Variants in ERG observed in about 807,000 individuals in gnomAD.
ERG encodes ETS transcription factor ERG, also known as transcriptional regulator ERG.
In ERG, 9 loss-of-function variants were observed where a neutral mutation model predicts 55.3. The ratio of observed to expected loss-of-function variants is 0.16; its 90% CI spans 0.10 to 0.28. ERG has a LOEUF of 0.28. Among genes scored for constraint, ERG ranks in the 10% least tolerant of loss-of-function variants. ERG has a pLI of 1.00. For missense variants in ERG, 434 were observed against 631.6 expected (o/e 0.69, Z 3.35); for synonymous variants, 223 against 237.3 (o/e 0.94, Z 0.55).
At chr21:38,452,250 G>T (rs1008927) in intron 1 of ERG, among the ~76,000 whole-genome samples, 138,343 of 152,268 alleles carry the variant, frequency 0.91, 62,934 homozygotes, top group South Asian at 0.98. Context: ...TGCACATACA[G>T]ATATACAAAC....
At chr21:38,498,940 G>A (rs1460927080), upstream of ERG, among the ~76,000 whole-genome samples, 1 of 152,168 alleles carries the variant, frequency 6.6e-6, no homozygotes, top group Non-Finnish European at 1.5e-5. This position sits in a 1 kb window ranked among gnomAD's most constrained non-coding sequence, Gnocchi z 4.6. Context: ...CATGTTAATA[G>A]ATGGCCATGT....
chr21:38,391,450 A>G (rs969261694), intron 8 of ERG, among the ~76,000 whole-genome samples: 1 of 152,126 alleles, frequency 6.6e-6, no homozygotes, highest in African/African-American at 2.4e-5. Context: ...TTTTTTCCCT[A>G]TTTATTGCAT....
chr21:38,654,381 A>G (rs1390742925), intron 1 of ERG, among the ~76,000 whole-genome samples: 1 of 152,238 alleles, frequency 6.6e-6, no homozygotes, highest in Non-Finnish European at 1.5e-5. Flanking sequence ...CTGAGGCAGG[A>G]GAATCATTTG....
At chr21:38,482,295 C>T (rs151039391) in intron 1 of ERG, among the ~76,000 whole-genome samples, 15 of 152,278 alleles carry the variant, frequency 9.9e-5, no homozygotes, top group African/African-American at 3.6e-4. Context: ...CAGGAAAATG[C>T]AAATCAAAGA....
intron 2 of ERG, among the ~76,000 whole-genome samples, chr21:38,504,714 A>G (rs1476518654): frequency 1.3e-5 from 2 of 152,164 alleles, no homozygotes; most frequent in African/African-American, 4.8e-5. Flanking sequence ...TCTACCCCCG[A>G]CTCAGATCCA....
At chr21:38,376,520 G>C (rs1272799482), downstream of ERG, among the ~76,000 whole-genome samples, 1 of 152,198 alleles carries the variant, frequency 6.6e-6, no homozygotes, top group Non-Finnish European at 1.5e-5. Flanking sequence ...TCTGCCCACT[G>C]CAGGCTTAAC....
chr21:38,439,255 G>C (rs911671490), intron 2 of ERG, among the ~76,000 whole-genome samples: 2 of 152,352 alleles, frequency 1.3e-5, no homozygotes, highest in East Asian at 3.9e-4. Context: ...AAAGCAGCCT[G>C]CTCTGCACAG....
intron 1 of ERG, among the ~76,000 whole-genome samples, chr21:38,638,901 G>A (rs184296800): frequency 1.2e-4 from 18 of 152,248 alleles, no homozygotes; most frequent in African/African-American, 4.3e-4. Context: ...AGAAATCAGG[G>A]ACTCCAGGCT....
At chr21:38,566,802 G>A (rs190167484) in intron 2 of ERG, among the ~76,000 whole-genome samples, 176 of 152,292 alleles carry the variant, frequency 1.2e-3, no homozygotes, top group African/African-American at 3.8e-3. Flanking sequence ...AGCAAGATAC[G>A]CAGAAACACT....
chr21:38,472,151 C>A (rs1790113436), intron 1 of ERG: 1 of 152,016 alleles, frequency 6.6e-6, no homozygotes, highest in Admixed American at 6.6e-5. Flanking sequence ...CCTAGAACAA[C>A]TCCTGGCACA....
intron 2 of ERG, among the ~76,000 whole-genome samples, chr21:38,524,351 A>G (rs1485055094): frequency 6.6e-6 from 1 of 152,278 alleles, no homozygotes; most frequent in Non-Finnish European, 1.5e-5. Flanking sequence ...CAACTTGTTG[A>G]CCACTGGACT....
intron 7 of ERG, 101 bp downstream of exon 7, chr21:38,392,275 T>C: frequency 1.0e-6 from 1 of 1,004,436 alleles, no homozygotes; most frequent in Non-Finnish European, 1.5e-6. Flanking sequence ...CATCACATGT[T>C]GCAAAATCAC....
intron 1 of ERG, among the ~76,000 whole-genome samples, chr21:38,647,071 T>C (rs2060461561): frequency 6.6e-6 from 1 of 152,220 alleles, no homozygotes; most frequent in Admixed American, 6.5e-5. Context: ...AAGTACCGTG[T>C]CACCTTCTCA....
intron 1 of ERG, among the ~76,000 whole-genome samples, chr21:38,633,266 TC>T (rs1177363470): frequency 6.6e-6 from 1 of 152,170 alleles, no homozygotes; most frequent in Non-Finnish European, 1.5e-5. Context: ...GTGTAGAGTT[TC>T]AGATTTGCAA....
At chr21:38,441,945 G>A (rs2078812484) in intron 2 of ERG, among the ~76,000 whole-genome samples, 1 of 152,208 alleles carries the variant, frequency 6.6e-6, no homozygotes, top group Non-Finnish European at 1.5e-5. Context: ...GGAGGATGAA[G>A]AGGATGACAT....
At chr21:38,377,507 T>C (rs1234694016), downstream of ERG, among the ~76,000 whole-genome samples, 1 of 152,154 alleles carries the variant, frequency 6.6e-6, no homozygotes, top group Non-Finnish European at 1.5e-5. Context: ...TCCAAACCTT[T>C]CAAACAAGTT....
At chr21:38,384,641 T>C (rs547656071) in intron 9 of ERG, among the ~76,000 whole-genome samples, 82 of 152,272 alleles carry the variant, frequency 5.4e-4, no homozygotes, top group African/African-American at 1.9e-3. Context: ...TTAATGCCAT[T>C]TATATTGGCT....
Position 38,381,975 on chromosome 21 carries a change from C to A in ERG, c.*1428G>T. ...ATCCACAACATTCAGCACATGTTTTCATTAAGCAACTTTAGTCACTAAAAA... is the reference window on the plus strand; with the variant it reads ...ATCCACAACATTCAGCACATGTTTTAATTAAGCAACTTTAGTCACTAAAAA... On this transcript the variant is annotated 3_prime_UTR_variant, in exon 10 of 10. Transcript: ENST00000288319. The A allele has an allele frequency of 9.4e-7, 1 of 1,061,938 alleles. No homozygotes were observed. The highest frequency in any genetic ancestry group is 1.1e-6 in the Non-Finnish European group (1 of 876,978). 65.8% of individuals were successfully genotyped at this position (1,061,938 alleles called of 1,614,324 possible).
At chr21:38,396,335 C>T (rs1305982187) in intron 6 of ERG, among the ~76,000 whole-genome samples, 7 of 152,300 alleles carry the variant, frequency 4.6e-5, no homozygotes, top group South Asian at 2.1e-4. Context: ...AAGAACTAAG[C>T]GGAAGCAAAG....
Sources: allele counts gnomAD v4.1 joint callset (sites outside exome capture counted in the v4.1 genomes callset), GRCh38; gene constraint gnomAD v4.1.1; non-coding constraint Gnocchi (gnomAD v3.1); transcripts MANE v1.5; gene names NCBI Gene and HGNC (gene_info 2026-07-23, HGNC 2026-07-21).